The following MARCHF1 variants were observed in gnomAD, a reference collection of about 807,000 sequenced individuals.
The protein encoded by MARCHF1 is E3 ubiquitin-protein ligase MARCHF1.
Under a neutral mutation model 54.2 loss-of-function variants are expected in MARCHF1, and 40 were observed. The observed-to-expected ratio is 0.74, with a 90% CI of 0.57 to 0.96. The LOEUF is 0.96. MARCHF1 is among the 40% of genes least tolerant of loss of function. The pLI is 0.00. For synonymous variants in MARCHF1, 236 were observed against 236.3 expected, an observed-to-expected ratio of 1.00 and a Z score of 0.01; for missense variants, 586 against 656.5, an observed-to-expected ratio of 0.89 and a Z score of 1.17.
intron 4 of MARCHF1, among the ~76,000 whole-genome samples, chr4:163,753,376 T>C (rs546410394): frequency 6.6e-6 from 1 of 152,278 alleles, no homozygotes; most frequent in South Asian, 2.1e-4. Context: ...TTTTAAACAA[T>C]GTTAAAAGTA....
At chr4:164,039,598 C>T (rs572351685) in intron 2 of MARCHF1, among the ~76,000 whole-genome samples, 1 of 152,150 alleles carries the variant, frequency 6.6e-6, no homozygotes, top group Non-Finnish European at 1.5e-5. Flanking sequence ...GAAGAGAAGG[C>T]ACTCTGAGAT....
At chr4:163,803,766 A>G (rs1250094729) in intron 4 of MARCHF1, among the ~76,000 whole-genome samples, 1 of 152,190 alleles carries the variant, frequency 6.6e-6, no homozygotes, top group Non-Finnish European at 1.5e-5. Flanking sequence ...AGGAAAATAC[A>G]GTGTTTGATC....
chr4:163,736,143 A>C (rs756577393), intron 4 of MARCHF1, among the ~76,000 whole-genome samples: 13 of 152,192 alleles, frequency 8.5e-5, no homozygotes, highest in Non-Finnish European at 1.5e-4. Context: ...TATTAAGTAG[A>C]AAACTTTCAT....
chr4:163,963,667 T>G (rs1408184262), intron 3 of MARCHF1, among the ~76,000 whole-genome samples: 1 of 151,948 alleles, frequency 6.6e-6, no homozygotes, highest in Non-Finnish European at 1.5e-5. Context: ...ATTTGACAAA[T>G]AAAATATGGT....
At chr4:164,186,082 G>A (rs554378405) in intron 1 of MARCHF1, among the ~76,000 whole-genome samples, 9 of 152,158 alleles carry the variant, frequency 5.9e-5, no homozygotes, top group Admixed American at 2.6e-4. Context: ...TAGTAGAGAC[G>A]GGGTTTTGCC....
chr4:163,665,639 C>G (rs1361567164), intron 5 of MARCHF1, among the ~76,000 whole-genome samples: 1 of 152,142 alleles, frequency 6.6e-6, no homozygotes, highest in African/African-American at 2.4e-5. Flanking sequence ...GAACTAGTCC[C>G]CTTTATTCAT....
chr4:164,097,680 T>A (rs1452320752), intron 2 of MARCHF1, among the ~76,000 whole-genome samples: 1 of 152,140 alleles, frequency 6.6e-6, no homozygotes, highest in African/African-American at 2.4e-5. Context: ...TCACCAGACT[T>A]CCAAATGGAC....
chr4:164,258,391 T>A (rs868584369), intron 1 of MARCHF1, among the ~76,000 whole-genome samples: 3 of 145,940 alleles, frequency 2.1e-5, no homozygotes, highest in Admixed American at 6.9e-5. Flanking sequence ...GAACTTAAAG[T>A]ATAATAATAA....
chr4:163,830,436 AG>A (rs1474949035), intron 4 of MARCHF1, among the ~76,000 whole-genome samples: 2 of 152,114 alleles, frequency 1.3e-5, no homozygotes, highest in Non-Finnish European at 2.9e-5. Context: ...TGGAAAGGAG[AG>A]GAAAGAAATG....
At chr4:164,164,629 T>C (rs1730323764) in intron 1 of MARCHF1, among the ~76,000 whole-genome samples, 1 of 152,040 alleles carries the variant, frequency 6.6e-6, no homozygotes, top group South Asian at 2.1e-4. Flanking sequence ...ACAATGTCTA[T>C]GCAAATAATT....
At chr4:164,302,057 G>T (rs1734574798) in intron 1 of MARCHF1, among the ~76,000 whole-genome samples, 1 of 152,050 alleles carries the variant, frequency 6.6e-6, no homozygotes, top group Non-Finnish European at 1.5e-5. Flanking sequence ...GCTGACATAT[G>T]CAGGAGCACA....
At chr4:163,612,210 T>A in intron 7 of MARCHF1, 61 bp downstream of exon 7, 2 of 1,379,206 alleles carry the variant, frequency 1.5e-6, no homozygotes, top group East Asian at 2.6e-5. Context: ...AACACGCACC[T>A]AACTCACTGC....
intron 1 of MARCHF1, among the ~76,000 whole-genome samples, chr4:164,283,505 C>A (rs1734075517): frequency 6.6e-6 from 1 of 150,874 alleles, no homozygotes; most frequent in African/African-American, 2.4e-5. Flanking sequence ...AAATAGAACA[C>A]CGGAAAAGGA....
intron 1 of MARCHF1, among the ~76,000 whole-genome samples, chr4:164,185,970 T>C: frequency 6.6e-6 from 1 of 152,310 alleles, no homozygotes; most frequent in African/African-American, 2.4e-5. Flanking sequence ...CTCGGCTCAC[T>C]GCAATCTCTG....
At chr4:163,583,031 C>G (rs553941516) in intron 8 of MARCHF1, among the ~76,000 whole-genome samples, 4 of 152,264 alleles carry the variant, frequency 2.6e-5, no homozygotes, top group African/African-American at 9.6e-5. Flanking sequence ...AATGCACGTT[C>G]CTCATGTCTA....
chr4:164,302,013 T>C (rs1312608756), intron 1 of MARCHF1, among the ~76,000 whole-genome samples: 1 of 152,170 alleles, frequency 6.6e-6, no homozygotes, highest in Non-Finnish European at 1.5e-5. Context: ...GAGAGGAGTA[T>C]GGACGTATCA....
intron 2 of MARCHF1, among the ~76,000 whole-genome samples, chr4:164,040,221 A>ATATG (rs918617317): frequency 1.5e-4 from 21 of 144,388 alleles, no homozygotes; most frequent in African/African-American, 5.0e-4. Context: ...TATTTATACT[A>ATATG]TATGTACACA....
chr4:163,830,245 C>A (rs77206080), intron 4 of MARCHF1, among the ~76,000 whole-genome samples: 1 of 150,944 alleles, frequency 6.6e-6, no homozygotes, highest in Non-Finnish European at 1.5e-5. Flanking sequence ...TCTCTTTTTA[C>A]GCTGCTTTTT....
intron 1 of MARCHF1, among the ~76,000 whole-genome samples, chr4:164,211,331 G>GTATATATATATATATATA (rs10604337): frequency 8.6e-6 from 1 of 115,960 alleles, no homozygotes; most frequent in African/African-American, 2.8e-5. Flanking sequence ...ATGTATGTAT[G>GTATATATATATATATATA]TATATATATA....
Sources: allele counts gnomAD v4.1 joint callset (sites outside exome capture counted in the v4.1 genomes callset), GRCh38; gene constraint gnomAD v4.1.1; transcripts MANE v1.5; gene names NCBI Gene and HGNC (gene_info 2026-07-23, HGNC 2026-07-21).